ZNF536: variants seen among roughly 807,000 people sequenced by gnomAD.
ZNF536 encodes the protein zinc finger protein 536.
A neutral mutation model predicts 84.5 loss-of-function variants in ZNF536; 13 were observed. The ratio of observed to expected loss-of-function variants is 0.15; its 90% CI spans 0.10 to 0.24. The LOEUF (loss-of-function observed/expected upper bound fraction) is 0.24, where lower values mean the gene tolerates loss of function less well. ZNF536 is among the 10% of genes least tolerant of loss of function. ZNF536 has a pLI of 1.00. For missense variants in ZNF536, 1,536 were observed against 1,747.5 expected, an observed-to-expected ratio of 0.88 and a Z score of 2.16; for synonymous variants, 811 against 742.5, an observed-to-expected ratio of 1.09 and a Z score of -1.50.
intron 2 of ZNF536, among the ~76,000 whole-genome samples, chr19:30,347,498 G>A (rs959413991): frequency 6.6e-6 from 1 of 152,184 alleles, no homozygotes; most frequent in Non-Finnish European, 1.5e-5. Flanking sequence ...TATTTATGGG[G>A]TGCCAGGGCC....
At chr19:30,303,073 G>A (rs887176525) in intron 2 of ZNF536, among the ~76,000 whole-genome samples, 1 of 152,200 alleles carries the variant, frequency 6.6e-6, no homozygotes, top group Non-Finnish European at 1.5e-5. Flanking sequence ...TGGCTCAATG[G>A]ATTTTAGGCA....
chr19:30,237,061 T>C (rs936068253), intron 1 of ZNF536, among the ~76,000 whole-genome samples: 1 of 151,466 alleles, frequency 6.6e-6, no homozygotes, highest in Non-Finnish European at 1.5e-5. Context: ...TTTTTTCTTC[T>C]AGGCACTGCC....
Position 30,243,218 on chromosome 19 carries a change from T to G in ZNF536, c.-190+14545T>G, listed in dbSNP as rs527829402. Among the ~76,000 whole-genome samples the G allele has an allele frequency of 2.0e-5, 3 of 152,308 alleles. No homozygotes were observed. The South Asian group carries it at 6.2e-4, about 32-fold the overall frequency. On this transcript the variant is annotated intron_variant, in intron 1 of 5. Coordinates refer to the ZNF536 transcript ENST00000585628. ...ACCTTGTGGAACAGCTTTTTTTTTC[T>G]AATTTTATCTGTTCAACTCTGTGAA...
At chr19:30,292,181 G>A (rs1222246036) in intron 2 of ZNF536, among the ~76,000 whole-genome samples, 4 of 152,164 alleles carry the variant, frequency 2.6e-5, no homozygotes, top group Non-Finnish European at 5.9e-5. Context: ...CTGAGGCTCA[G>A]CAAAGATAAG....
intron 1 of ZNF536, among the ~76,000 whole-genome samples, chr19:30,401,751 G>A (rs1027007259): frequency 6.6e-6 from 1 of 152,180 alleles, no homozygotes; most frequent in African/African-American, 2.4e-5. Context: ...AGCTAGATTT[G>A]TGGGTGGTAG....
intron 2 of ZNF536, among the ~76,000 whole-genome samples, chr19:30,453,392 G>A (rs975584384): frequency 2.6e-4 from 40 of 152,186 alleles, no homozygotes; most frequent in African/African-American, 9.4e-4. Flanking sequence ...GTTTACTAGG[G>A]CTGTATTTTC....
intron 2 of ZNF536, among the ~76,000 whole-genome samples, chr19:30,350,591 A>G (rs1023506938): frequency 6.6e-6 from 1 of 152,252 alleles, no homozygotes; most frequent in African/African-American, 2.4e-5. Context: ...AATAGTCTTC[A>G]AGCCTGTGAA....
At position 30,571,803 on chromosome 19, in the gene ZNF536, C is replaced by T. The variant is rs530273220; in HGVS notation, c.169+22289C>T. ...GCTTTATTTTTAGGGCTCATTGAGGCCTACATTGGGCCCTCCATGATGAAA... is the reference window on the plus strand; with the variant it reads ...GCTTTATTTTTAGGGCTCATTGAGGTCTACATTGGGCCCTCCATGATGAAA... On this transcript the variant is annotated intron_variant, in intron 1 of 1. Transcript: ENST00000592773. 2.4e-4 allele frequency among the ~76,000 whole-genome samples: 36 copies of T among 152,184 alleles called. No individual in the cohort carries two copies. The South Asian group carries it at 7.5e-3, about 32-fold the overall frequency.
chr19:30,572,502 G>A lies in ZNF536; in HGVS notation c.169+22988G>A, dbSNP rs545230810. Among the ~76,000 whole-genome samples, 419 of 152,302 alleles carry A rather than the reference G, an allele frequency of 2.8e-3. 1 individual carries two copies. Among genetic ancestry groups the A allele is most frequent in the African/African-American group, 9.6e-3 (397 of 41,554 alleles). ...ACCTGCCATCCAGCAGCCTTGTCCT[G>A]GGGAACGAGGAAACAGCATTCTCTC... On this transcript the variant is annotated intron_variant, in intron 1 of 1. Coordinates refer to the ZNF536 transcript ENST00000592773.
At chr19:30,231,582 C>G (rs1260846609) in intron 1 of ZNF536, among the ~76,000 whole-genome samples, 1 of 152,148 alleles carries the variant, frequency 6.6e-6, no homozygotes, top group African/African-American at 2.4e-5. Flanking sequence ...TGGTTGGGCT[C>G]ACCTGTGTGC....
intron 2 of ZNF536, among the ~76,000 whole-genome samples, chr19:30,472,823 A>G (rs12165121): frequency 0.3 from 45,958 of 151,842 alleles, 8,554 homozygotes; most frequent in African/African-American, 0.5. Flanking sequence ...ATGTTGTCCA[A>G]TGCTGCAAGG....
chr19:30,560,558 A>G (rs1441075024), downstream of ZNF536, among the ~76,000 whole-genome samples: 1 of 152,064 alleles, frequency 6.6e-6, no homozygotes, highest in Non-Finnish European at 1.5e-5. Flanking sequence ...CCTAACACGA[A>G]CACCCTGGTC....
chr19:30,686,041 T>C (rs2051165246), intron 1 of ZNF536, among the ~76,000 whole-genome samples: 1 of 152,208 alleles, frequency 6.6e-6, no homozygotes, highest in African/African-American at 2.4e-5. Flanking sequence ...CAGGGTGTGA[T>C]GTCTGAATCC....
At chr19:30,516,842 G>A (rs564030280) in intron 2 of ZNF536, among the ~76,000 whole-genome samples, 84 of 152,326 alleles carry the variant, frequency 5.5e-4, no homozygotes, top group African/African-American at 1.9e-3. Flanking sequence ...GCGAGGCTTC[G>A]TGAAGTGGTG....
chr19:30,654,056 G>T (rs1480882975), intron 1 of ZNF536, among the ~76,000 whole-genome samples: 1 of 152,206 alleles, frequency 6.6e-6, no homozygotes, highest in East Asian at 1.9e-4. Flanking sequence ...AGCCACTAGA[G>T]AGGGTGCAAT....
intron 2 of ZNF536, among the ~76,000 whole-genome samples, chr19:30,322,850 C>T (rs762987454): frequency 2.2e-4 from 33 of 152,010 alleles, no homozygotes; most frequent in Non-Finnish European, 3.8e-4. Flanking sequence ...TCTGGCCTGG[C>T]GCTTCCCACC....
chr19:30,524,869 A>G (rs2044511175), intron 2 of ZNF536, among the ~76,000 whole-genome samples: 1 of 152,090 alleles, frequency 6.6e-6, no homozygotes, highest in Non-Finnish European at 1.5e-5. Flanking sequence ...TTTTTTGTTT[A>G]AAGAAAGGAG....
At chr19:30,617,333 CTTTTTTTTTTTTTT>C (rs556835599) in intron 1 of ZNF536, among the ~76,000 whole-genome samples, 116 of 37,710 alleles carry the variant, frequency 3.1e-3, no homozygotes, top group South Asian at 6.6e-3. Context: ...GAATAGCTTA[CTTTTTTTTTTTTTT>C]TTTTTTTTTT....
At chr19:30,576,146 C>T (rs1753227404) in intron 1 of ZNF536, among the ~76,000 whole-genome samples, 1 of 152,192 alleles carries the variant, frequency 6.6e-6, no homozygotes, top group South Asian at 2.1e-4. Context: ...GGCTTTTCCA[C>T]CAGGCAGGAA....
Sources: gnomAD v4.1 joint callset for allele counts (sites outside exome capture counted in the v4.1 genomes callset) on GRCh38, gnomAD v4.1.1 for gene constraint, MANE v1.5 for transcripts, NCBI Gene and HGNC (gene_info 2026-07-23, HGNC 2026-07-21) for gene names.